Variants in PCDHA6 observed in about 807,000 individuals in gnomAD.
PCDHA6 encodes protocadherin alpha-6.
PCDHA6 carries 55 observed loss-of-function variants against 60.3 expected under a neutral mutation model. The ratio of observed to expected loss-of-function variants is 0.91; its 90% confidence interval spans 0.73 to 1.14. The LOEUF (loss-of-function observed/expected upper bound fraction) is 1.14, where lower values mean the gene tolerates loss of function less well. Among genes scored for constraint, PCDHA6 ranks in the 50% most tolerant of loss-of-function variants. The probability of loss-of-function intolerance (pLI) is 0.00; values close to 1 mark genes in which losing one functional copy is unlikely to be tolerated. For missense variants in PCDHA6, 1,327 were observed against 1,256.5 expected, an observed-to-expected ratio of 1.06 and a Z score of -0.85; for synonymous variants, 652 against 557.9, an observed-to-expected ratio of 1.17 and a Z score of -2.38.
At chr5:140,982,230 C>G (rs943404054) in intron 2 of PCDHA6, 9 of 619,854 alleles carry the variant, frequency 1.5e-5, no homozygotes, top group Admixed American at 3.8e-5. Flanking sequence ...TAATAAAAAA[C>G]AGAATTGCCA....
chr5:140,861,768 T>TACCA (rs3834243), intron 1 of PCDHA6: 106,057 of 158,892 alleles, frequency 0.67, 35,632 homozygotes, highest in African/African-American at 0.71. Flanking sequence ...TCCCTGGAAA[T>TACCA]ACCAAGAGCA....
rs2150156316 is a variant in PCDHA6, at chr5:140,828,518, T to G, written c.427T>G (p.Tyr143Asp). The G allele has an allele frequency of 6.2e-7, 1 of 1,614,092 alleles. No individual in the cohort carries two copies. The highest frequency in any genetic ancestry group is 8.5e-7 in the Non-Finnish European group (1 of 1,180,040). The change falls in exon 1 of 4, where the codon TAC becomes GAC. Residue 143 changes from tyrosine to aspartate, a missense_variant. Physicochemically the swap from Tyr to Asp is radical, Grantham distance 160. Transcript: ENST00000529310. ...GGTAGAGGAACAAAGAGTGCTGATT[T>G]ACGAATCTAGGCTGCCAGATTCTGT... ...FPVEEQRVLI[Y>D]ESRLPDSVFP... is the part of the protein sequence containing the mutation.
At chr5:140,856,056 C>T (rs2043749341) in intron 1 of PCDHA6, 1 of 1,586,796 alleles carries the variant, frequency 6.3e-7, no homozygotes, top group Non-Finnish European at 8.6e-7. Flanking sequence ...AAGATGGTTT[C>T]CAGATGTAGC....
chr5:140,958,035 T>G (rs1284725890), intron 1 of PCDHA6, among the ~76,000 whole-genome samples: 2 of 152,120 alleles, frequency 1.3e-5, no homozygotes, highest in African/African-American at 4.8e-5. Context: ...ATGCTTTCTT[T>G]GCTTGTGATA....
chr5:140,836,864 T>C (rs1774785013), intron 1 of PCDHA6: 1 of 755,194 alleles, frequency 1.3e-6, no homozygotes, highest in Non-Finnish European at 2.1e-6. Context: ...TTTTTAATGT[T>C]ATGCTGTATT....
intron 1 of PCDHA6, chr5:140,850,371 C>T (rs1386017704): frequency 1.9e-6 from 3 of 1,597,910 alleles, no homozygotes; most frequent in Non-Finnish European, 2.6e-6. Flanking sequence ...CCGCGTGGGG[C>T]TGTACACGGG....
At position 140,895,904 on chromosome 5, in the gene PCDHA6, C is replaced by A. The variant is rs956599707; in HGVS notation, c.2394+65419C>A. Among the ~76,000 whole-genome samples, 7 of 152,138 alleles carry A rather than the reference C, an allele frequency of 4.6e-5. No homozygotes were observed. In the South Asian group the frequency reaches 1.5e-3, roughly 32 times the overall value. On this transcript the variant is annotated intron_variant, in intron 1 of 3. Transcript: ENST00000529310. ...TCGGCTCACTGCAACCTCCGCGTCC[C>A]GGGCTCAACAATTATCCTGCCTCAG...
chr5:140,927,897 T>C (rs907878286), intron 1 of PCDHA6: 1 of 1,614,086 alleles, frequency 6.2e-7, no homozygotes, highest in African/African-American at 1.3e-5. Context: ...ACGTGAACGA[T>C]CATGCCCCCG....
intron 1 of PCDHA6, among the ~76,000 whole-genome samples, chr5:140,900,019 A>T (rs1164566696): frequency 1.3e-5 from 2 of 151,964 alleles, no homozygotes; most frequent in African/African-American, 4.8e-5. Flanking sequence ...TTTGTTACCC[A>T]GTTTGGCCTT....
rs1554202548 is a variant in PCDHA6, at chr5:140,925,108, G to GGAA, written c.2395-53840_2395-53839insAAG. 5.0e-3 allele frequency among the ~76,000 whole-genome samples: 619 copies of GGAA among 124,770 alleles called. 3 individuals are homozygous for GGAA. Among genetic ancestry groups the GGAA allele is most frequent in the African/African-American group, 0.02 (595 of 30,200 alleles). The allele number at this position is 124,770 out of a possible 152,430, so 81.9% of individuals were successfully genotyped here. ...AAGGAAGGAAGGAAGGAAGGAAGGA[G>GGAA]GGAAGGAAGGAAGGAAAAAAAATTT... is the stretch of plus-strand genomic sequence containing the variant. On this transcript the variant is annotated intron_variant, in intron 1 of 3. Coordinates refer to ENST00000529310, the MANE Select transcript of PCDHA6 (RefSeq NM_018909.4).
chr5:140,884,702 T>C (rs1362804646), intron 1 of PCDHA6: 7 of 1,495,380 alleles, frequency 4.7e-6, no homozygotes, highest in East Asian at 4.7e-5. Context: ...GTAAACACTT[T>C]AGCCTTCCTT....
At chr5:140,865,992 T>C (rs1475339451) in intron 1 of PCDHA6, 1 of 152,212 alleles carries the variant, frequency 6.6e-6, no homozygotes, top group Non-Finnish European at 1.5e-5. Flanking sequence ...CACTAAGTTT[T>C]TTTATGTTAA....
intron 1 of PCDHA6, chr5:140,850,077 C>T: frequency 6.3e-7 from 1 of 1,596,450 alleles, no homozygotes. Context: ...CCACGAGGAG[C>T]TGGAGCTGCT....
At chr5:140,892,595 A>G (rs1424989273) in intron 1 of PCDHA6, among the ~76,000 whole-genome samples, 1 of 151,958 alleles carries the variant, frequency 6.6e-6, no homozygotes, top group African/African-American at 2.4e-5. Flanking sequence ...TCATTCACCT[A>G]TTTTTTTCCT....
intron 1 of PCDHA6, among the ~76,000 whole-genome samples, chr5:140,906,752 G>A (rs1328101001): frequency 6.6e-6 from 1 of 152,152 alleles, no homozygotes; most frequent in Non-Finnish European, 1.5e-5. Context: ...ACAGGGCATG[G>A]TAATACTAAG....
intron 1 of PCDHA6, among the ~76,000 whole-genome samples, chr5:140,895,742 G>T (rs2065139471): frequency 6.6e-6 from 1 of 152,110 alleles, no homozygotes; most frequent in South Asian, 2.1e-4. Context: ...GGGCTGCAAA[G>T]GGCATGATCT....
intron 1 of PCDHA6, among the ~76,000 whole-genome samples, chr5:140,845,892 T>C (rs1282025011): frequency 4.0e-5 from 6 of 149,784 alleles, no homozygotes; most frequent in African/African-American, 1.5e-4. Context: ...CAGAAAGTCG[T>C]TATGGCCTTC....
At position 140,857,387 on chromosome 5, in the gene PCDHA6, G is replaced by C. The variant is rs369919324; in HGVS notation, c.2394+26902G>C. 21 of 1,598,586 alleles carry C rather than the reference G, an allele frequency of 1.3e-5. 1 individual carries two copies. The Admixed American group carries it at 3.5e-4, about 27-fold the overall frequency. On this transcript the variant is annotated intron_variant, in intron 1 of 3. Coordinates refer to ENST00000529310, the MANE Select transcript of PCDHA6 (RefSeq NM_018909.4). The stretch of plus-strand genomic sequence containing the variant: ...CAGCGTGTCTGTGGAGGTGGCCGAC[G>C]TGAACGACAACGCGCCTGCGTTCGC...
At chr5:140,835,757 C>G (rs1467581889) in intron 1 of PCDHA6, 5 of 1,613,396 alleles carry the variant, frequency 3.1e-6, no homozygotes, top group African/African-American at 1.3e-5. Context: ...TCGCGCAGCC[C>G]GAGTATACGG....
Sources: gnomAD v4.1 joint callset for allele counts (sites outside exome capture counted in the v4.1 genomes callset) on GRCh38, gnomAD v4.1.1 for gene constraint, MANE v1.5 for transcripts, NCBI Gene and HGNC (gene_info 2026-07-23, HGNC 2026-07-21) for gene names.